Variants in NALF1 observed in about 807,000 individuals in gnomAD.
NALF1 encodes NALCN channel auxiliary factor 1.
A neutral mutation model predicts 48.4 loss-of-function variants in NALF1; 3 were observed. The observed-to-expected ratio is 0.06, with a 90% CI of 0.03 to 0.16. NALF1 has a LOEUF of 0.16. NALF1 is among the 10% of genes least tolerant of loss of function. NALF1 has a pLI of 1.00. For synonymous variants in NALF1, 262 were observed against 245.7 expected, an observed-to-expected ratio of 1.07 and a Z score of -0.62; for missense variants, 526 against 571.5, an observed-to-expected ratio of 0.92 and a Z score of 0.81.
chr13:107,468,239 C>A (rs534950382), intron 1 of NALF1, among the ~76,000 whole-genome samples: 12 of 152,218 alleles, frequency 7.9e-5, no homozygotes, highest in African/African-American at 2.6e-4. Flanking sequence ...TTTAATTCAA[C>A]CCTAATTCAT....
At chr13:107,359,921 G>A (rs1883031849) in intron 1 of NALF1, among the ~76,000 whole-genome samples, 1 of 152,092 alleles carries the variant, frequency 6.6e-6, no homozygotes, top group Non-Finnish European at 1.5e-5. Flanking sequence ...CCACTGTCAT[G>A]ATAAAACTTG....
intron 1 of NALF1, among the ~76,000 whole-genome samples, chr13:107,457,635 T>C (rs1884845331): frequency 6.6e-6 from 1 of 152,222 alleles, no homozygotes. Flanking sequence ...ATATATGTTT[T>C]CTGAACCCAC....
chr13:107,499,728 C>T (rs1029608043), intron 1 of NALF1, among the ~76,000 whole-genome samples: 2 of 152,060 alleles, frequency 1.3e-5, no homozygotes, highest in East Asian at 1.9e-4. Flanking sequence ...TTACGGCTTG[C>T]TTTTTTTCTT....
intron 1 of NALF1, among the ~76,000 whole-genome samples, chr13:107,552,792 T>C (rs558210792): frequency 1.4e-3 from 208 of 152,296 alleles, no homozygotes; most frequent in Non-Finnish European, 2.4e-3. Context: ...AATCTTATGG[T>C]ACTTAGAATA....
At chr13:107,547,022 T>C (rs1427488538) in intron 1 of NALF1, among the ~76,000 whole-genome samples, 1 of 152,254 alleles carries the variant, frequency 6.6e-6, no homozygotes, top group Non-Finnish European at 1.5e-5. Flanking sequence ...GTGGAGATAA[T>C]ACCTGTATCA....
chr13:107,271,000 A>G (rs2138863085), intron 1 of NALF1, among the ~76,000 whole-genome samples: 1 of 152,288 alleles, frequency 6.6e-6, no homozygotes, highest in South Asian at 2.1e-4. Context: ...TAAAGGCAGT[A>G]TCAGCTATGC....
intron 1 of NALF1, among the ~76,000 whole-genome samples, chr13:107,748,456 T>C (rs1010233638): frequency 2.6e-5 from 4 of 152,236 alleles, no homozygotes; most frequent in African/African-American, 9.6e-5. Context: ...CTAGTTTTGC[T>C]ACATGTATAG....
intron 1 of NALF1, among the ~76,000 whole-genome samples, chr13:107,823,708 C>A (rs1356509274): frequency 6.6e-6 from 1 of 152,162 alleles, no homozygotes; most frequent in Non-Finnish European, 1.5e-5. Context: ...ATGCTCCTCT[C>A]TTGACACAAT....
intron 1 of NALF1, among the ~76,000 whole-genome samples, chr13:107,683,258 A>G (rs1032390524): frequency 6.6e-5 from 10 of 152,236 alleles, no homozygotes; most frequent in Admixed American, 3.9e-4. Context: ...AAATATAAAT[A>G]CATAAATACC....
chr13:107,218,042 C>T (rs1270903150), intron 1 of NALF1, among the ~76,000 whole-genome samples: 1 of 152,108 alleles, frequency 6.6e-6, no homozygotes, highest in African/African-American at 2.4e-5. Context: ...GCTGAGCAGT[C>T]GAGACTCATC....
At chr13:107,519,497 G>T (rs1297908959) in intron 1 of NALF1, among the ~76,000 whole-genome samples, 8 of 152,236 alleles carry the variant, frequency 5.3e-5, no homozygotes, top group Non-Finnish European at 1.2e-4. Context: ...ATGTCCCAGG[G>T]CACTGTTTCA....
chr13:107,863,599 G>A (rs1000778272), intron 1 of NALF1, among the ~76,000 whole-genome samples: 8 of 152,158 alleles, frequency 5.3e-5, no homozygotes, highest in African/African-American at 1.2e-4. Context: ...TTATCAAGGC[G>A]AAGACTAAGT....
intron 1 of NALF1, among the ~76,000 whole-genome samples, chr13:107,435,702 T>C (rs1407849685): frequency 6.6e-6 from 1 of 151,982 alleles, no homozygotes; most frequent in African/African-American, 2.4e-5. Context: ...TAACTAACAA[T>C]TTGATGCCTG....
chr13:107,469,786 C>T (rs1422347115), intron 1 of NALF1, among the ~76,000 whole-genome samples: 4 of 132,054 alleles, frequency 3.0e-5, no homozygotes, highest in East Asian at 4.5e-4. Context: ...CTCTGTTGCC[C>T]AGGCTGGAGT....
intron 1 of NALF1, among the ~76,000 whole-genome samples, chr13:107,685,000 C>G (rs1314273381): frequency 6.6e-6 from 1 of 152,088 alleles, no homozygotes; most frequent in Non-Finnish European, 1.5e-5. Context: ...TACTGGTGAC[C>G]GTCTCATCTT....
intron 2 of NALF1, among the ~76,000 whole-genome samples, chr13:107,181,040 CTTAAT>C (rs1433702227): frequency 6.6e-6 from 1 of 151,476 alleles, no homozygotes; most frequent in Non-Finnish European, 1.5e-5. Flanking sequence ...TTTTAAAACC[CTTAAT>C]TTGTCTAGAT....
intron 1 of NALF1, among the ~76,000 whole-genome samples, chr13:107,514,161 T>C (rs1875982112): frequency 6.6e-6 from 1 of 152,212 alleles, no homozygotes; most frequent in African/African-American, 2.4e-5. Context: ...TTTTGAAAAC[T>C]ATTCATTCTC....
intron 1 of NALF1, among the ~76,000 whole-genome samples, chr13:107,568,718 G>A (rs747870592): frequency 5.9e-5 from 9 of 152,210 alleles, no homozygotes; most frequent in Non-Finnish European, 8.8e-5. Context: ...ATCTTTTTAT[G>A]TGCTTATTTT....
At chr13:107,420,559 G>T (rs780804877) in intron 1 of NALF1, among the ~76,000 whole-genome samples, 1 of 152,062 alleles carries the variant, frequency 6.6e-6, no homozygotes, top group African/African-American at 2.4e-5. Context: ...ACATCATAGT[G>T]GTAGTCACTT....
Sources: gnomAD v4.1 joint callset for allele counts (sites outside exome capture counted in the v4.1 genomes callset) on GRCh38, gnomAD v4.1.1 for gene constraint, MANE v1.5 for transcripts, NCBI Gene and HGNC (gene_info 2026-07-23, HGNC 2026-07-21) for gene names.